The following DYNLT5 variants were observed in gnomAD, a reference collection of about 807,000 sequenced individuals.
DYNLT5 encodes dynein light chain Tctex-type 5.
In DYNLT5, 25 loss-of-function variants were observed where a neutral mutation model predicts 19.3. The ratio of observed to expected loss-of-function variants is 1.30; its 90% CI spans 0.95 to 1.81. The LOEUF (loss-of-function observed/expected upper bound fraction) is 1.81. DYNLT5 is among the 40% of genes most tolerant of loss of function. The probability of loss-of-function intolerance (pLI) is 0.00; values close to 1 mark genes in which losing one functional copy is unlikely to be tolerated. For synonymous variants in DYNLT5, 82 were observed against 68.9 expected (o/e 1.19, Z -0.94); for missense variants, 232 against 217.9 (o/e 1.06, Z -0.41).
chr1:66,763,619 C>A (rs1408614948), intron 2 of DYNLT5, among the ~76,000 whole-genome samples: 1 of 152,220 alleles, frequency 6.6e-6, no homozygotes, highest in Non-Finnish European at 1.5e-5. Flanking sequence ...CTTCACCTTG[C>A]ACTTTTATGT....
At chr1:66,755,576 C>A (rs2094634756) in intron 2 of DYNLT5, 1 of 152,082 alleles carries the variant, frequency 6.6e-6, no homozygotes, top group Non-Finnish European at 1.5e-5. Context: ...GCTAGGGTGT[C>A]CTGCAGAACA....
At chr1:66,769,868 G>T (rs957832798) in intron 2 of DYNLT5, among the ~76,000 whole-genome samples, 2 of 152,116 alleles carry the variant, frequency 1.3e-5, no homozygotes, top group Non-Finnish European at 2.9e-5. Flanking sequence ...CTACCACGTA[G>T]ATGAGTTTCT....
intron 2 of DYNLT5, among the ~76,000 whole-genome samples, chr1:66,756,387 TAGAC>T (rs1406558856): frequency 6.6e-6 from 1 of 152,310 alleles, no homozygotes; most frequent in Admixed American, 6.5e-5. Context: ...TGTCTGGAAT[TAGAC>T]AGTACAAGTT....
chr1:66,765,400 A>G (rs1051863735), intron 2 of DYNLT5, among the ~76,000 whole-genome samples: 7 of 152,304 alleles, frequency 4.6e-5, no homozygotes, highest in Admixed American at 2.0e-4. Flanking sequence ...ACATCTAGGT[A>G]TAATAATAAC....
chr1:66,761,944 C>A (rs965547685), intron 2 of DYNLT5, among the ~76,000 whole-genome samples: 1 of 152,134 alleles, frequency 6.6e-6, no homozygotes, highest in Non-Finnish European at 1.5e-5. Context: ...CATCTCAAAC[C>A]GTGCCACTCC....
At chr1:66,757,517 C>A (rs967878120) in intron 2 of DYNLT5, among the ~76,000 whole-genome samples, 1 of 152,056 alleles carries the variant, frequency 6.6e-6, no homozygotes, top group African/African-American at 2.4e-5. Flanking sequence ...TTCTGTTAGA[C>A]CTGGACATAC....
chr1:66,772,936 T>C (rs1250200174), intron 3 of DYNLT5, among the ~76,000 whole-genome samples: 3 of 152,252 alleles, frequency 2.0e-5, no homozygotes, highest in African/African-American at 4.8e-5. Flanking sequence ...TTTAGCATCA[T>C]TGAATCTCAG....
At chr1:66,764,602 A>G (rs1319685977) in intron 2 of DYNLT5, among the ~76,000 whole-genome samples, 18 of 152,226 alleles carry the variant, frequency 1.2e-4, no homozygotes, top group African/African-American at 4.3e-4. Context: ...GCTCTCCATA[A>G]CAGATGTAAT....
chr1:66,767,923 A>G lies in DYNLT5; in HGVS notation c.120-2464A>G, dbSNP rs561986938. 1.4e-4 allele frequency among the ~76,000 whole-genome samples: 21 copies of G among 152,320 alleles called. No homozygotes were observed. The East Asian group carries it at 4.1e-3, about 29-fold the overall frequency. ...TACATCTCATTCACTCATAAGCCAC[A>G]TAGGCCACAATAGCACAAAAAGAGA... is the stretch of plus-strand genomic sequence containing the variant. On this transcript the variant is annotated intron_variant, in intron 2 of 4. Transcript: ENST00000282670.
chr1:66,755,902 T>C (rs1182600372), intron 2 of DYNLT5: 1 of 152,208 alleles, frequency 6.6e-6, no homozygotes, highest in African/African-American at 2.4e-5. Flanking sequence ...CAACTTACGT[T>C]TTCCAAGAAA....
chr1:66,764,611 A>G (rs1466283790), intron 2 of DYNLT5, among the ~76,000 whole-genome samples: 3 of 152,368 alleles, frequency 2.0e-5, no homozygotes, highest in African/African-American at 7.2e-5. Context: ...AACAGATGTA[A>G]TATGAAAATC....
At chr1:66,772,150 G>A (rs533194082) in intron 3 of DYNLT5, among the ~76,000 whole-genome samples, 2 of 152,198 alleles carry the variant, frequency 1.3e-5, no homozygotes, top group African/African-American at 4.8e-5. Context: ...TTTTTGCATT[G>A]CTATAAAGAA....
Position 66,760,743 on chromosome 1 carries a change from C to T in DYNLT5, c.119+5966C>T, listed in dbSNP as rs192999226. 7.9e-5 allele frequency among the ~76,000 whole-genome samples: 12 copies of T among 152,310 alleles called. No homozygotes were observed. In the East Asian group the frequency reaches 1.7e-3, roughly 22 times the overall value. On this transcript the variant is annotated intron_variant, in intron 2 of 4. Coordinates refer to ENST00000282670, the MANE Select transcript of DYNLT5 (RefSeq NM_152665.3). Reference sequence around the variant, plus strand: ...AGCATCACCTCTGATGATTGCCCAGCGTGACACAGCTTTGAACCAATGCAT... The same window carrying T: ...AGCATCACCTCTGATGATTGCCCAGTGTGACACAGCTTTGAACCAATGCAT...
At chr1:66,762,366 C>T (rs549164241) in intron 2 of DYNLT5, among the ~76,000 whole-genome samples, 22 of 152,192 alleles carry the variant, frequency 1.4e-4, no homozygotes, top group Middle Eastern at 3.4e-3. Context: ...CTATGGTCAC[C>T]CTACAGTGGT....
intron 2 of DYNLT5, among the ~76,000 whole-genome samples, chr1:66,758,200 T>C (rs1380921245): frequency 1.3e-5 from 2 of 152,222 alleles, no homozygotes; most frequent in African/African-American, 4.8e-5. Flanking sequence ...AATAAAACTA[T>C]TCTGTTCATT....
chr1:66,756,168 A>G (rs901166995), intron 2 of DYNLT5, among the ~76,000 whole-genome samples: 2 of 152,244 alleles, frequency 1.3e-5, no homozygotes, highest in Non-Finnish European at 2.9e-5. Context: ...ACATTAGGAT[A>G]GATTTTTCAC....
chr1:66,767,511 G>C (rs1300572292), intron 2 of DYNLT5, among the ~76,000 whole-genome samples: 1 of 152,060 alleles, frequency 6.6e-6, no homozygotes, highest in African/African-American at 2.4e-5. Context: ...GCCCACTTCG[G>C]CCTCCCAAAG....
At chr1:66,764,454 G>C (rs781163687) in intron 2 of DYNLT5, among the ~76,000 whole-genome samples, 1 of 152,196 alleles carries the variant, frequency 6.6e-6, no homozygotes, top group Non-Finnish European at 1.5e-5. Context: ...CCCAAAGAGA[G>C]AGACATGGGA....
intron 2 of DYNLT5, among the ~76,000 whole-genome samples, chr1:66,765,747 G>A (rs914327428): frequency 2.7e-5 from 4 of 150,856 alleles, no homozygotes; most frequent in Admixed American, 6.6e-5. Flanking sequence ...GCAATTCTCC[G>A]GCCTCAGCCT....
Sources: gnomAD v4.1 joint callset for allele counts (sites outside exome capture counted in the v4.1 genomes callset) on GRCh38, gnomAD v4.1.1 for gene constraint, MANE v1.5 for transcripts, NCBI Gene and HGNC (gene_info 2026-07-23, HGNC 2026-07-21) for gene names.